EIF4E: variants seen among roughly 807,000 people sequenced by gnomAD.
The protein encoded by EIF4E is eukaryotic translation initiation factor 4E.
For synonymous variants in EIF4E, 71 were observed against 88.5 expected, an observed-to-expected ratio of 0.80 and a Z score of 1.11; for missense variants, 113 against 265.6, an observed-to-expected ratio of 0.43 and a Z score of 3.99.
Position 98,899,456 on chromosome 4 carries a change from G to A in EIF4E, c.125+2420C>T, listed in dbSNP as rs140375835. ...GAGTTAGCAAGGATATAGAAACCAGGAACTCTCAAACTGTTAAGTCTAAGC... is the reference window on the plus strand; with the variant it reads ...GAGTTAGCAAGGATATAGAAACCAGAAACTCTCAAACTGTTAAGTCTAAGC... On this transcript the variant is annotated intron_variant, in intron 2 of 6. Transcript: ENST00000450253. 2.0e-5 allele frequency among the ~76,000 whole-genome samples: 3 copies of A among 152,196 alleles called. No individual in the cohort carries two copies. In the East Asian group the frequency reaches 5.8e-4, roughly 29 times the overall value.
At chr4:98,912,786 T>C (rs1725210494) in intron 1 of EIF4E, among the ~76,000 whole-genome samples, 1 of 152,210 alleles carries the variant, frequency 6.6e-6, no homozygotes, top group Admixed American at 6.5e-5. Flanking sequence ...TTAACTGCTA[T>C]TTAAACGTTT....
chr4:98,923,146 C>T (rs1725723612), intron 1 of EIF4E, among the ~76,000 whole-genome samples: 1 of 151,002 alleles, frequency 6.6e-6, no homozygotes, highest in East Asian at 1.9e-4. Flanking sequence ...CCACCACGCC[C>T]GGCCCATTTT....
At chr4:98,896,024 C>T (rs1483226945) in intron 2 of EIF4E, among the ~76,000 whole-genome samples, 2 of 141,800 alleles carry the variant, frequency 1.4e-5, no homozygotes, top group African/African-American at 2.5e-5. Flanking sequence ...GGTGAAACCC[C>T]GTCTCTACTA....
At chr4:98,920,548 GC>G (rs1284048729) in intron 1 of EIF4E, among the ~76,000 whole-genome samples, 1 of 152,040 alleles carries the variant, frequency 6.6e-6, no homozygotes, top group Non-Finnish European at 1.5e-5. Context: ...GCCCATCTCA[GC>G]CTCCCAAAGT....
intron 2 of EIF4E, among the ~76,000 whole-genome samples, chr4:98,893,516 C>T (rs1349933408): frequency 6.6e-6 from 1 of 152,232 alleles, no homozygotes; most frequent in African/African-American, 2.4e-5. Context: ...ACAATGTTCA[C>T]AGCATCTTCA....
chr4:98,909,461 C>T (rs1206058753), intron 1 of EIF4E: 7 of 549,116 alleles, frequency 1.3e-5, no homozygotes, highest in Non-Finnish European at 1.6e-5. Flanking sequence ...CTTGAACACA[C>T]AGCAGTGGTC....
At chr4:98,896,478 G>A (rs1410738614) in intron 2 of EIF4E, among the ~76,000 whole-genome samples, 2 of 86,774 alleles carry the variant, frequency 2.3e-5, no homozygotes, top group African/African-American at 5.8e-5. Context: ...GCAAGACCCC[G>A]CATCTCTCAA....
intron 1 of EIF4E, among the ~76,000 whole-genome samples, chr4:98,928,198 A>T (rs2110233074): frequency 6.6e-6 from 1 of 152,294 alleles, no homozygotes; most frequent in Admixed American, 6.5e-5. Flanking sequence ...GGATGAATGA[A>T]TGGAAGACGG....
Position 98,887,867 on chromosome 4 carries a change from T to A in EIF4E, c.285+22A>T. ...ATGGCCCAGTCCTATAATAAATATATAAAATCACCAATTAAGCATACCTTA... is the reference window on the plus strand; with the variant it reads ...ATGGCCCAGTCCTATAATAAATATAAAAAATCACCAATTAAGCATACCTTA... On this transcript the variant is annotated intron_variant, in intron 4 of 6. Coordinates refer to ENST00000450253, the MANE Select transcript of EIF4E (RefSeq NM_001968.5). The surrounding 1 kb of genome is among the most constrained non-coding windows in gnomAD (Gnocchi z 4.0). The A allele has an allele frequency of 6.2e-7, 1 of 1,604,918 alleles. No individual in the cohort carries two copies. Among genetic ancestry groups the A allele is most frequent in the Non-Finnish European group, 8.5e-7 (1 of 1,172,926 alleles).
chr4:98,887,818 G>A lies in EIF4E; in HGVS notation c.285+71C>T. ...ACTATCAAATATTCCTAAGTTTATG[G>A]TAAGATTTCTTAATGAATACCAAAT... On this transcript the variant is annotated intron_variant, in intron 4 of 6. Transcript: ENST00000450253. This position sits in a 1 kb window ranked among gnomAD's most constrained non-coding sequence, Gnocchi z 4.0. 2 of 1,380,752 alleles carry A rather than the reference G, an allele frequency of 1.4e-6. No individual in the cohort carries two copies. The highest frequency in any genetic ancestry group is 2.0e-6 in the Non-Finnish European group (2 of 980,190). The allele number at this position is 1,380,752 out of a possible 1,614,324, so 85.5% of individuals were successfully genotyped here. A position where few individuals can be genotyped will look rare whatever the true frequency, so the allele number is the denominator to read the frequency against.
intron 1 of EIF4E, among the ~76,000 whole-genome samples, chr4:98,920,708 T>C (rs1401440755): frequency 6.6e-6 from 1 of 152,100 alleles, no homozygotes; most frequent in African/African-American, 2.4e-5. Flanking sequence ...AAAAGCTAAA[T>C]ACCATGATGT....
At chr4:98,919,558 CTTTT>C (rs532537834) in intron 1 of EIF4E, among the ~76,000 whole-genome samples, 16 of 131,876 alleles carry the variant, frequency 1.2e-4, no homozygotes, top group Middle Eastern at 3.5e-3. Context: ...GATTCTTTTT[CTTTT>C]TTTTTTTTTT....
chr4:98,901,653 T>C (rs1724654550), intron 2 of EIF4E, among the ~76,000 whole-genome samples: 1 of 152,232 alleles, frequency 6.6e-6, no homozygotes, highest in Non-Finnish European at 1.5e-5. Context: ...GTGGCTTCCA[T>C]TATGACCAAT....
intron 2 of EIF4E, chr4:98,895,207 T>C (rs1345089673): frequency 6.6e-6 from 1 of 152,090 alleles, no homozygotes; most frequent in African/African-American, 2.4e-5. Flanking sequence ...AGACACCAAG[T>C]GAGCACATGC....
At chr4:98,908,841 C>G (rs1207071352) in intron 1 of EIF4E, among the ~76,000 whole-genome samples, 1 of 152,174 alleles carries the variant, frequency 6.6e-6, no homozygotes, top group East Asian at 1.9e-4. Context: ...GAAAAGTAAA[C>G]ATGTCATTTA....
At chr4:98,900,525 CTT>C (rs148852779) in intron 2 of EIF4E, among the ~76,000 whole-genome samples, 3,531 of 152,104 alleles carry the variant, frequency 0.023, 121 homozygotes, top group African/African-American at 0.081. Context: ...CTTGTGGACT[CTT>C]TTAAGTAGAG....
intron 1 of EIF4E, chr4:98,903,306 G>C (rs1724726304): frequency 2.5e-6 from 1 of 405,190 alleles, no homozygotes. Flanking sequence ...AATATTTATT[G>C]TCTAAAAGAA....
chr4:98,925,144 A>T (rs1368944462), intron 1 of EIF4E, among the ~76,000 whole-genome samples: 1 of 152,206 alleles, frequency 6.6e-6, no homozygotes, highest in African/African-American at 2.4e-5. Flanking sequence ...ATGTTTCCAA[A>T]GTATAAAAAA....
chr4:98,891,559 C>T (rs1341956308), intron 2 of EIF4E: 2 of 541,456 alleles, frequency 3.7e-6, no homozygotes, highest in Non-Finnish European at 6.5e-6. Context: ...AAGCCAGCCC[C>T]CCTCCAAAAA....
Sources: allele counts gnomAD v4.1 joint callset (sites outside exome capture counted in the v4.1 genomes callset), GRCh38; gene constraint gnomAD v4.1.1; non-coding constraint Gnocchi (gnomAD v3.1); transcripts MANE v1.5; gene names NCBI Gene and HGNC (gene_info 2026-07-23, HGNC 2026-07-21).